The following ENTPD1 variants were observed in gnomAD, a reference collection of about 807,000 sequenced individuals.
ENTPD1 encodes ectonucleoside triphosphate diphosphohydrolase 1, also known as ATP diphosphohydrolase.
A neutral mutation model predicts 57.0 loss-of-function variants in ENTPD1; 33 were observed. That is an observed-to-expected ratio of 0.58 (90% CI 0.44 to 0.77). The LOEUF (loss-of-function observed/expected upper bound fraction) is 0.77, where lower values mean the gene tolerates loss of function less well. Among genes scored for constraint, ENTPD1 ranks in the 30% least tolerant of loss-of-function variants. The probability of loss-of-function intolerance (pLI) is 0.00; values close to 1 mark genes in which losing one functional copy is unlikely to be tolerated. For synonymous variants in ENTPD1, 202 were observed against 218.8 expected (o/e 0.92, Z 0.68); for missense variants, 501 against 603.4 (o/e 0.83, Z 1.78).
chr10:95,694,459 A>G, the ENTPD1 span, among the ~76,000 whole-genome samples: 4 of 152,020 alleles, frequency 2.6e-5, no homozygotes, highest in Non-Finnish European at 5.9e-5. Context: ...ATGTTCATTC[A>G]GCTCCTTACA....
At chr10:95,755,023 T>C (rs2098018876), upstream of ENTPD1, 1 of 152,194 alleles carries the variant, frequency 6.6e-6, no homozygotes, top group African/African-American at 2.4e-5. Flanking sequence ...AGATACAAAT[T>C]TACATGCCAG....
chr10:95,753,697 T>G (rs2098015767), upstream of ENTPD1: 1 of 152,216 alleles, frequency 6.6e-6, no homozygotes, highest in Non-Finnish European at 1.5e-5. Context: ...TTAATTTTGT[T>G]TAAAATAGAG....
Position 95,866,372 on chromosome 10 carries a change from G to T in ENTPD1, c.1522G>T (p.Asp508Tyr). The T allele has an allele frequency of 6.2e-7, 1 of 1,614,050 alleles. No homozygotes were observed. The highest frequency in any genetic ancestry group is 8.5e-7 in the Non-Finnish European group (1 of 1,179,990). ...TCACAAGCCTTCATATTTCTGGAAA[G>T]ATATGGTATAGCAAAAGCAGCTGAA... ...IFHKPSYFWK[D>Y]MV Residue 508 changes from aspartate to tyrosine, a missense_variant, in exon 10 of 10, where the codon GAT becomes TAT. By Grantham distance (160) the Asp-to-Tyr change is radical (BLOSUM62 -3). Transcript: ENST00000371205.
chr10:95,712,124 G>T, intron 1 of ENTPD1: 1 of 1,380,458 alleles, frequency 7.2e-7, no homozygotes, highest in African/African-American at 1.4e-5. Context: ...AAGGATTTGT[G>T]TGACTAGTTT....
At chr10:95,707,193 C>T (rs867425104), upstream of ENTPD1, among the ~76,000 whole-genome samples, 4 of 152,150 alleles carry the variant, frequency 2.6e-5, no homozygotes, top group Admixed American at 1.3e-4. Flanking sequence ...CAGCTGCACC[C>T]GGGAGGGCAG....
chr10:95,863,043 G>A (rs985767235), intron 8 of ENTPD1, among the ~76,000 whole-genome samples: 4 of 152,190 alleles, frequency 2.6e-5, no homozygotes, highest in Admixed American at 2.6e-4. Flanking sequence ...CCAATTTGGA[G>A]AGCACATAGT....
intron 1 of ENTPD1, among the ~76,000 whole-genome samples, chr10:95,804,400 A>G (rs185611016): frequency 6.6e-6 from 1 of 152,318 alleles, no homozygotes; most frequent in East Asian, 1.9e-4. Flanking sequence ...GAGGTCCTTC[A>G]CATCCCTTGT....
intron 1 of ENTPD1, among the ~76,000 whole-genome samples, chr10:95,800,478 G>A (rs1005532372): frequency 2.6e-5 from 4 of 152,132 alleles, no homozygotes; most frequent in African/African-American, 7.2e-5. Context: ...GGGTTTGAGA[G>A]CAGACAACCA....
intron 1 of ENTPD1, among the ~76,000 whole-genome samples, chr10:95,767,981 G>A (rs2098097002): frequency 6.6e-6 from 1 of 152,170 alleles, no homozygotes; most frequent in Non-Finnish European, 1.5e-5. Flanking sequence ...TTGTTCTCTT[G>A]CTCTTATGCT....
At position 95,870,135 on chromosome 10, in the gene ENTPD1, G is replaced by A. The variant is rs2098478814; in HGVS notation, c.*3752G>A. ...TCCTAGGTTGTATTCCTCAGGTTTT[G>A]TTGCCTTCCCATGAAGATGTGAAGG... On this transcript the variant is annotated 3_prime_UTR_variant, in exon 10 of 10. Coordinates refer to ENST00000371205, the MANE Select transcript of ENTPD1 (RefSeq NM_001776.6). 1.0e-6 allele frequency: 1 copy of A among 985,250 alleles called. No homozygotes were observed. Among genetic ancestry groups the A allele is most frequent in the Non-Finnish European group, 1.2e-6 (1 of 829,920 alleles). 61.0% of individuals were successfully genotyped at this position (985,250 alleles called of 1,614,324 possible).
Position 95,869,319 on chromosome 10 carries a change from G to A in ENTPD1, c.*2936G>A, listed in dbSNP as rs577212267. ...GGCTGGAGTGCAGTGGTGCTATCTC[G>A]GCTCACTGCAACCTCCGCCTCCTGG... On this transcript the variant is annotated 3_prime_UTR_variant, in exon 10 of 10. Transcript: ENST00000371205. 49 of 906,802 alleles carry A rather than the reference G, an allele frequency of 5.4e-5. No homozygotes were observed. The South Asian group carries it at 1.9e-3, about 35-fold the overall frequency. The allele number at this position is 906,802 out of a possible 1,614,324, so 56.2% of individuals were successfully genotyped here.
intron 1 of ENTPD1, among the ~76,000 whole-genome samples, chr10:95,757,497 C>G (rs2098032483): frequency 6.6e-6 from 1 of 152,102 alleles, no homozygotes; most frequent in African/African-American, 2.4e-5. Flanking sequence ...GTTTGCAAAT[C>G]CTTGAAGCTA....
intron 1 of ENTPD1, among the ~76,000 whole-genome samples, chr10:95,735,888 C>T (rs541973360): frequency 1.3e-5 from 2 of 152,098 alleles, no homozygotes; most frequent in South Asian, 4.1e-4. Flanking sequence ...TGAGCCACTG[C>T]CCCCGGCTGA....
rs2098463621 is a variant in ENTPD1 at position 95,860,542 on chromosome 10, C to A, written c.1148C>A (p.Thr383Asn). The change falls in exon 8 of 10, where the codon ACT (threonine) becomes AAT (asparagine). Residue 383 changes from threonine to asparagine, a missense_variant. Transcript: ENST00000371205. ...TSEKVSQEKV[T>N]EMMKKFCAQP... ...GAGAAAGTCTCTCAGGAAAAGGTGA[C>A]TGAGATGATGAAAAAGTTCTGTGCT... 6.2e-7 allele frequency: 1 copy of A among 1,613,912 alleles called. No homozygotes were observed. Among genetic ancestry groups the A allele is most frequent in the Non-Finnish European group, 8.5e-7 (1 of 1,179,850 alleles).
chr10:95,756,561 T>G, intron 1 of ENTPD1: 1 of 378,634 alleles, frequency 2.6e-6, no homozygotes, highest in Non-Finnish European at 4.8e-6. Flanking sequence ...CCCCTTGCAG[T>G]TTAAGAGGCA....
rs768166538 is a variant in ENTPD1, at chr10:95,823,391, T to C, written c.144+27T>C. 2.5e-6 allele frequency: 4 copies of C among 1,613,342 alleles called. No individual in the cohort carries two copies. In the South Asian group the frequency reaches 4.4e-5, roughly 18 times the overall value. ...TAAGTCAAATATATCTGTGTGTTTG[T>C]GTGTATGTAAGAGGAGATCTGGGTG... On this transcript the variant is annotated intron_variant, in intron 2 of 9. Transcript: ENST00000371205.
chr10:95,770,153 A>G (rs2098109689), intron 1 of ENTPD1, among the ~76,000 whole-genome samples: 1 of 150,654 alleles, frequency 6.6e-6, no homozygotes. Context: ...AAAAAAAACG[A>G]CAATGCTCTA....
At chr10:95,711,833 C>T in exon 1 of ENTPD1, 1 of 1,392,082 alleles carries the variant, frequency 7.2e-7, no homozygotes, top group East Asian at 2.3e-5. Flanking sequence ...TCCTATTAAC[C>T]TGCCTTTTTT....
chr10:95,812,087 A>G, intron 1 of ENTPD1, among the ~76,000 whole-genome samples: 1 of 152,372 alleles, frequency 6.6e-6, no homozygotes, highest in East Asian at 1.9e-4. Flanking sequence ...GTCAACATAT[A>G]TAATTTCTTT....
Sources: gnomAD v4.1 joint callset for allele counts (sites outside exome capture counted in the v4.1 genomes callset) on GRCh38, gnomAD v4.1.1 for gene constraint, MANE v1.5 for transcripts, NCBI Gene and HGNC (gene_info 2026-07-23, HGNC 2026-07-21) for gene names.